The following RIN2 variants were observed in gnomAD, a reference collection of about 807,000 sequenced individuals.
The protein encoded by RIN2 is Ras and Rab interactor 2.
A neutral mutation model predicts 78.0 loss-of-function variants in RIN2; 36 were observed. The ratio of observed to expected loss-of-function variants is 0.46; its 90% CI spans 0.35 to 0.61. The LOEUF is 0.61. Among genes scored for constraint, RIN2 ranks in the 20% least tolerant of loss-of-function variants. The pLI is 0.00. For synonymous variants in RIN2, 466 were observed against 466.8 expected, an observed-to-expected ratio of 1.00 and a Z score of 0.02; for missense variants, 1,087 against 1,159.7, an observed-to-expected ratio of 0.94 and a Z score of 0.91.
intron 2 of RIN2, among the ~76,000 whole-genome samples, chr20:19,864,577 A>G (rs1419877777): frequency 6.6e-6 from 1 of 152,234 alleles, no homozygotes; most frequent in African/African-American, 2.4e-5. Flanking sequence ...TTGTCAAAAT[A>G]TGATCATTTA....
intron 4 of RIN2, among the ~76,000 whole-genome samples, chr20:19,941,340 GC>G (rs898893429): frequency 2.0e-5 from 3 of 152,134 alleles, no homozygotes; most frequent in Admixed American, 6.6e-5. Flanking sequence ...AAGAATGGTG[GC>G]CGCAGCCTGG....
rs113658836 is a variant in RIN2, at chr20:19,970,202, C to T, written c.537-636C>T. Among the ~76,000 whole-genome samples, 134 of 152,300 alleles carry T rather than the reference C, an allele frequency of 8.8e-4. 1 individual carries two copies. Among genetic ancestry groups the T allele is most frequent in the African/African-American group, 2.8e-3 (117 of 41,562 alleles). ...TCCTCTAAGAGCTTGGCAGAAATGC[C>T]GAATCTCCAGTCCCTCCCAGACCTC... On this transcript the variant is annotated intron_variant, in intron 7 of 12. Transcript: ENST00000255006.
At position 19,974,907 on chromosome 20, in the gene RIN2, G is replaced by T; in HGVS notation, c.882G>T (p.Arg294Ser). 1 of 1,613,854 alleles carries T rather than the reference G, an allele frequency of 6.2e-7. No homozygotes were observed. The highest frequency in any genetic ancestry group is 1.1e-5 in the South Asian group (1 of 91,080). The part of the protein sequence containing the change: ...LSGGLKRPST[R>S]TPNANGTERT... ...GAGGCCTGAAACGGCCGAGCACAAGGACTCCCAACGCGAATGGCACGGAGC... is the reference window on the plus strand; with the variant it reads ...GAGGCCTGAAACGGCCGAGCACAAGTACTCCCAACGCGAATGGCACGGAGC... The change falls in exon 9 of 13, where the codon AGG (arginine) becomes AGT (serine). Residue 294 changes from arginine (R) to serine (S), a missense_variant. This residue lies in a region of RIN2 where 706 missense variants were observed against 667.5 expected (regional missense o/e 1.06). Coordinates refer to ENST00000255006, the MANE Select transcript of RIN2 (RefSeq NM_018993.4).
chr20:19,809,003 C>T (rs1157636897), intron 2 of RIN2, among the ~76,000 whole-genome samples: 1 of 152,230 alleles, frequency 6.6e-6, no homozygotes, highest in African/African-American at 2.4e-5. Flanking sequence ...TCATGTCACC[C>T]ATGCCACAGG....
At chr20:19,893,521 A>G (rs1220298759) in intron 3 of RIN2, among the ~76,000 whole-genome samples, 2 of 152,116 alleles carry the variant, frequency 1.3e-5, no homozygotes, top group Non-Finnish European at 2.9e-5. Flanking sequence ...TAGCACTACT[A>G]GTGATTTGTG....
intron 2 of RIN2, among the ~76,000 whole-genome samples, chr20:19,850,276 T>C (rs924390623): frequency 6.6e-6 from 1 of 152,104 alleles, no homozygotes; most frequent in Non-Finnish European, 1.5e-5. Flanking sequence ...CAGAATCACA[T>C]GAGAGCCCCT....
At chr20:19,953,202 G>A (rs1160678117) in intron 4 of RIN2, among the ~76,000 whole-genome samples, 1 of 152,128 alleles carries the variant, frequency 6.6e-6, no homozygotes, top group Non-Finnish European at 1.5e-5. Flanking sequence ...ACAGTGGAAG[G>A]ATCTCGGCTC....
chr20:19,954,095 C>A (rs1255436050), intron 4 of RIN2, among the ~76,000 whole-genome samples: 1 of 152,152 alleles, frequency 6.6e-6, no homozygotes, highest in East Asian at 1.9e-4. Context: ...GTCCACATGC[C>A]AACACTGGGT....
chr20:19,956,878 G>A, intron 5 of RIN2, 71 bp downstream of exon 5: 1 of 1,333,960 alleles, frequency 7.5e-7, no homozygotes, highest in East Asian at 2.5e-5. Flanking sequence ...AAAACACTTG[G>A]AGTTAGTTCC....
At chr20:19,855,794 G>A (rs1207805226) in intron 2 of RIN2, among the ~76,000 whole-genome samples, 1 of 152,184 alleles carries the variant, frequency 6.6e-6, no homozygotes, top group Non-Finnish European at 1.5e-5. Flanking sequence ...GAAACATCTT[G>A]GCCAGGCATG....
chr20:19,930,758 T>C (rs1396595202), intron 3 of RIN2, among the ~76,000 whole-genome samples: 1 of 152,136 alleles, frequency 6.6e-6, no homozygotes, highest in African/African-American at 2.4e-5. Flanking sequence ...GTACCCAAAC[T>C]CCCCTCAACC....
chr20:19,799,470 G>A (rs1217487271), intron 1 of RIN2, 152 bp from the exon 2 acceptor site: 3 of 152,150 alleles, frequency 2.0e-5, no homozygotes, highest in Non-Finnish European at 4.4e-5. Flanking sequence ...CAGAGGTGGA[G>A]GACCAGGAAT....
At chr20:19,870,387 C>G (rs550653640) in intron 2 of RIN2, among the ~76,000 whole-genome samples, 1 of 152,278 alleles carries the variant, frequency 6.6e-6, no homozygotes, top group South Asian at 2.1e-4. Flanking sequence ...TGGCTCAAGC[C>G]TGTAATCCCA....
At chr20:19,980,816 C>T (rs1220891799) in intron 9 of RIN2, among the ~76,000 whole-genome samples, 4 of 152,194 alleles carry the variant, frequency 2.6e-5, no homozygotes, top group African/African-American at 9.7e-5. Context: ...TACCCACAGC[C>T]TTGTCTCACT....
intron 12 of RIN2, among the ~76,000 whole-genome samples, chr20:19,997,939 A>G (rs2043021856): frequency 6.6e-6 from 1 of 152,058 alleles, no homozygotes; most frequent in Non-Finnish European, 1.5e-5. Context: ...AGGGATGTGG[A>G]AAGCAAGACA....
Position 19,889,592 on chromosome 20 carries a change from G to A in RIN2, c.-10G>A, listed in dbSNP as rs764666564. ...AGTCCCCGGCGTGCAGTGGAGCCTCGCTGGGGGAAATGACAGCTTGGACCA... is the reference window on the plus strand; with the variant it reads ...AGTCCCCGGCGTGCAGTGGAGCCTCACTGGGGGAAATGACAGCTTGGACCA... On this transcript the variant is annotated 5_prime_UTR_variant, in exon 3 of 13. Coordinates refer to ENST00000255006, the MANE Select transcript of RIN2 (RefSeq NM_018993.4). 5 of 1,551,150 alleles carry A rather than the reference G, an allele frequency of 3.2e-6. No homozygotes were observed. Among genetic ancestry groups the A allele is most frequent in the Non-Finnish European group, 3.5e-6 (4 of 1,146,688 alleles).
rs1315630437 is a variant in RIN2 at position 20,001,511 on chromosome 20, T to C, written c.*575T>C. 1 of 152,576 alleles carries C rather than the reference T, an allele frequency of 6.6e-6. No homozygotes were observed. Among genetic ancestry groups the C allele is most frequent in the Non-Finnish European group, 1.5e-5 (1 of 68,042 alleles). The allele number at this position is 152,576 out of a possible 1,614,324, so 9.5% of individuals were successfully genotyped here. A position where few individuals can be genotyped will look rare whatever the true frequency, so the allele number is the denominator to read the frequency against. ...AAATATTCTATAATTATGCATGTGA[T>C]TTTAACATTTAATATTCAAAAATAA... On this transcript the variant is annotated 3_prime_UTR_variant, in exon 13 of 13. Coordinates refer to ENST00000255006, the MANE Select transcript of RIN2 (RefSeq NM_018993.4).
chr20:19,896,179 T>A (rs757032166), intron 3 of RIN2, among the ~76,000 whole-genome samples: 6 of 152,140 alleles, frequency 3.9e-5, no homozygotes, highest in Admixed American at 6.6e-5. Flanking sequence ...TTTTTTTATT[T>A]TTTTTATTTT....
At chr20:19,848,282 C>G (rs1029760144) in intron 2 of RIN2, among the ~76,000 whole-genome samples, 1 of 152,034 alleles carries the variant, frequency 6.6e-6, no homozygotes, top group Non-Finnish European at 1.5e-5. Context: ...TGCCTGTAAT[C>G]CCAGCACTTT....
Sources: gnomAD v4.1 joint callset for allele counts (sites outside exome capture counted in the v4.1 genomes callset) on GRCh38, gnomAD v4.1.1 for gene constraint, gnomAD v4.1.1 regional missense constraint, MANE v1.5 for transcripts, NCBI Gene and HGNC (gene_info 2026-07-23, HGNC 2026-07-21) for gene names.